Variants in CENPP observed in about 807,000 individuals in gnomAD.
The protein encoded by CENPP is centromere protein P.
In CENPP, 24 loss-of-function variants were observed where a neutral mutation model predicts 35.6. The ratio of observed to expected loss-of-function variants is 0.67; its 90% CI spans 0.49 to 0.95. The LOEUF is 0.95. CENPP is among the 40% of genes least tolerant of loss of function. The probability of loss-of-function intolerance (pLI) is 0.00; values close to 1 mark genes in which losing one functional copy is unlikely to be tolerated. For missense variants in CENPP, 332 were observed against 345.3 expected (o/e 0.96, Z 0.31); for synonymous variants, 120 against 125.5 (o/e 0.96, Z 0.29).
At position 92,614,133 on chromosome 9, in the gene CENPP, GGCAATAACTCTTGCA is replaced by G. The variant is rs1851357787; in HGVS notation, c.*987_*1001del. ...CCAGCCCTGTCTGGGCCCTGTGCTA[GGCAATAACTCTTGCA>G]GCCCTGAAGGACCTAGGGAGCCCAG... On this transcript the variant is annotated 3_prime_UTR_variant, in exon 8 of 8. Transcript: ENST00000375587. 6.6e-6 allele frequency: 1 copy of G among 152,294 alleles called. No homozygotes were observed. The highest frequency in any genetic ancestry group is 1.9e-4 in the East Asian group (1 of 5,206). The allele number at this position is 152,294 out of a possible 1,614,324, so 9.4% of individuals were successfully genotyped here.
chr9:92,463,764 G>A (rs761241514), intron 5 of CENPP, among the ~76,000 whole-genome samples: 1 of 152,114 alleles, frequency 6.6e-6, no homozygotes, highest in Non-Finnish European at 1.5e-5. Context: ...TAACATTTTT[G>A]GTTTCTTGTA....
At chr9:92,610,031 G>A (rs1021896585) in intron 5 of CENPP, among the ~76,000 whole-genome samples, 3 of 151,610 alleles carry the variant, frequency 2.0e-5, no homozygotes, top group Non-Finnish European at 2.9e-5. Flanking sequence ...GCCACCCACC[G>A]CACCCAGCCA....
chr9:92,448,215 G>A (rs1007519801), intron 5 of CENPP, among the ~76,000 whole-genome samples: 1 of 152,064 alleles, frequency 6.6e-6, no homozygotes, highest in Non-Finnish European at 1.5e-5. Context: ...GCCACACCAC[G>A]TGGGAGATGG....
At chr9:92,340,620 C>T (rs1278809499) in intron 3 of CENPP, 2 of 152,610 alleles carry the variant, frequency 1.3e-5, no homozygotes, top group Non-Finnish European at 2.9e-5. Context: ...CAAATTAATA[C>T]TTTTATAATT....
At chr9:92,535,136 T>TAGATACTTTTACTTACCTA (rs766072766) in intron 5 of CENPP, among the ~76,000 whole-genome samples, 16,142 of 152,146 alleles carry the variant, frequency 0.11, 931 homozygotes, top group Middle Eastern at 0.15. Flanking sequence ...TACCCAGAAA[T>TAGATACTTTTACTTACCTA]CTAAATAGAT....
intron 4 of CENPP, among the ~76,000 whole-genome samples, chr9:92,351,682 G>A (rs1256327254): frequency 3.3e-5 from 5 of 151,956 alleles, no homozygotes; most frequent in East Asian, 1.9e-4. Flanking sequence ...CCAGGCAGGC[G>A]TGCAGTGGTG....
At chr9:92,522,784 T>C (rs527488889) in intron 5 of CENPP, 4 of 1,613,948 alleles carry the variant, frequency 2.5e-6, no homozygotes, top group Non-Finnish European at 3.4e-6. Context: ...CCTCCTTTGC[T>C]TCCTAGGAAT....
intron 4 of CENPP, among the ~76,000 whole-genome samples, chr9:92,353,920 C>T (rs1336165782): frequency 6.6e-6 from 1 of 152,178 alleles, no homozygotes; most frequent in Non-Finnish European, 1.5e-5. Context: ...AGATTTGCCC[C>T]AGCTTTGCAA....
In CENPP at chr9:92,570,504, A is replaced by G. The variant is rs979620059; in HGVS notation, c.565-40810A>G. Among the ~76,000 whole-genome samples the G allele has an allele frequency of 5.3e-5, 8 of 152,174 alleles. 1 individual carries two copies. Among genetic ancestry groups the G allele is most frequent in the Admixed American group, 4.6e-4 (7 of 15,276 alleles). Reference sequence around the variant, plus strand: ...CCAGTATTTTATTGAGGATTTTTGCATCAATGTTCATCAGGGATATTGGTC... The same window carrying G: ...CCAGTATTTTATTGAGGATTTTTGCGTCAATGTTCATCAGGGATATTGGTC... On this transcript the variant is annotated intron_variant, in intron 5 of 7. Transcript: ENST00000375587.
At chr9:92,416,056 G>C (rs1331075246) in intron 5 of CENPP, among the ~76,000 whole-genome samples, 1 of 83,452 alleles carries the variant, frequency 1.2e-5, no homozygotes, top group African/African-American at 3.3e-5. Flanking sequence ...TTATATATGT[G>C]TGTATATATA....
chr9:92,356,182 C>T (rs1021814431), intron 4 of CENPP, among the ~76,000 whole-genome samples: 8 of 152,200 alleles, frequency 5.3e-5, no homozygotes, highest in African/African-American at 1.2e-4. Flanking sequence ...TGGAACACTA[C>T]AGAAAGGAGC....
chr9:92,383,539 CATT>C (rs1842317641), intron 5 of CENPP, among the ~76,000 whole-genome samples: 1 of 151,814 alleles, frequency 6.6e-6, no homozygotes, highest in African/African-American at 2.4e-5. Flanking sequence ...AAGAATGAAA[CATT>C]ATGAATATAA....
intron 5 of CENPP, among the ~76,000 whole-genome samples, chr9:92,392,044 A>G (rs1375788642): frequency 6.6e-6 from 1 of 152,006 alleles, no homozygotes; most frequent in Non-Finnish European, 1.5e-5. Context: ...TCTTGACAAT[A>G]TTAGGAGTCT....
chr9:92,474,899 G>A (rs750729556), intron 5 of CENPP: 16 of 1,607,602 alleles, frequency 1.0e-5, no homozygotes, highest in Non-Finnish European at 1.4e-5. Flanking sequence ...CTCCTTCATG[G>A]TGTCTTAGTG....
intron 5 of CENPP, chr9:92,600,630 T>C: frequency 6.7e-7 from 1 of 1,499,920 alleles, no homozygotes. Context: ...AGTCATGCCC[T>C]GGTCGGCCAT....
intron 4 of CENPP, among the ~76,000 whole-genome samples, chr9:92,354,342 G>A (rs1841536701): frequency 6.6e-6 from 1 of 152,150 alleles, no homozygotes; most frequent in Admixed American, 6.5e-5. Flanking sequence ...GTTGATCCCT[G>A]CTGCTGGCAA....
chr9:92,338,340 A>G (rs888506054), intron 3 of CENPP, among the ~76,000 whole-genome samples: 2 of 151,924 alleles, frequency 1.3e-5, no homozygotes, highest in African/African-American at 4.8e-5. Context: ...CAAAAATACA[A>G]TTATCCCTCA....
At chr9:92,490,360 A>G (rs1320389505) in intron 5 of CENPP, among the ~76,000 whole-genome samples, 1 of 152,184 alleles carries the variant, frequency 6.6e-6, no homozygotes, top group African/African-American at 2.4e-5. Context: ...TGTAATGGTC[A>G]TTTGGTGTTA....
At chr9:92,502,591 C>T (rs1846748772) in intron 5 of CENPP, 3 of 1,610,556 alleles carry the variant, frequency 1.9e-6, no homozygotes, top group Non-Finnish European at 2.5e-6. Context: ...ATTGATCTTT[C>T]TGGTATGATT....
Sources: gnomAD v4.1 joint callset for allele counts (sites outside exome capture counted in the v4.1 genomes callset) on GRCh38, gnomAD v4.1.1 for gene constraint, MANE v1.5 for transcripts, NCBI Gene and HGNC (gene_info 2026-07-23, HGNC 2026-07-21) for gene names.